The following FHIT variants were observed in gnomAD, a reference collection of about 807,000 sequenced individuals.
The protein encoded by FHIT is fragile histidine triad diadenosine triphosphatase, also known as bis(5'-adenosyl)-triphosphatase.
Under a neutral mutation model 17.9 loss-of-function variants are expected in FHIT, and 19 were observed. The observed-to-expected ratio is 1.06, with a 90% confidence interval of 0.74 to 1.56. The LOEUF (loss-of-function observed/expected upper bound fraction) is 1.56. FHIT is among the 40% of genes most tolerant of loss of function. FHIT has a pLI of 0.00. For synonymous variants in FHIT, 81 were observed against 69.7 expected (o/e 1.16, Z -0.81); for missense variants, 248 against 189.2 (o/e 1.31, Z -1.82).
At chr3:60,400,978 T>C (rs115445306) in intron 5 of FHIT, among the ~76,000 whole-genome samples, 5,360 of 152,128 alleles carry the variant, frequency 0.035, 156 homozygotes, top group African/African-American at 0.08. Context: ...TAGTGCTGCA[T>C]AGAAATTGGT....
intron 2 of FHIT, among the ~76,000 whole-genome samples, chr3:61,152,500 TAGTA>T (rs1413785001): frequency 2.6e-5 from 4 of 152,244 alleles, no homozygotes; most frequent in Non-Finnish European, 4.4e-5. Context: ...CTTTTTTTAA[TAGTA>T]AGTGTTGGTA....
intron 5 of FHIT, among the ~76,000 whole-genome samples, chr3:60,258,469 G>A (rs1559767952): frequency 6.6e-6 from 1 of 152,088 alleles, no homozygotes; most frequent in Non-Finnish European, 1.5e-5. Flanking sequence ...TAACTGTCCA[G>A]TGCATTATAT....
At chr3:61,006,847 G>A (rs2031484611) in intron 3 of FHIT, among the ~76,000 whole-genome samples, 1 of 152,002 alleles carries the variant, frequency 6.6e-6, no homozygotes, top group African/African-American at 2.4e-5. Flanking sequence ...AACTTACATA[G>A]TAGAAAGTTT....
At chr3:60,100,009 T>C (rs2107136117) in intron 5 of FHIT, among the ~76,000 whole-genome samples, 1 of 152,278 alleles carries the variant, frequency 6.6e-6, no homozygotes, top group East Asian at 1.9e-4. Flanking sequence ...GGAACAACAG[T>C]CACAGTTTTT....
chr3:60,916,849 AAT>A (rs1707030951), intron 3 of FHIT, among the ~76,000 whole-genome samples: 2 of 152,180 alleles, frequency 1.3e-5, no homozygotes, highest in East Asian at 3.9e-4. Context: ...TGAAGTTTGT[AAT>A]ATAAAGTGGA....
chr3:60,735,355 G>C (rs1433258550), intron 4 of FHIT, among the ~76,000 whole-genome samples: 6 of 152,152 alleles, frequency 3.9e-5, no homozygotes, highest in African/African-American at 1.4e-4. Flanking sequence ...ACTCCAGATG[G>C]TGTAGATGGA....
chr3:60,544,552 C>T (rs1178767725), intron 4 of FHIT, among the ~76,000 whole-genome samples: 2 of 149,482 alleles, frequency 1.3e-5, no homozygotes, highest in African/African-American at 4.9e-5. Flanking sequence ...AATTCTTAGC[C>T]TTTTGAATGT....
At chr3:61,243,592 G>A (rs754713427) in intron 1 of FHIT, among the ~76,000 whole-genome samples, 1 of 152,140 alleles carries the variant, frequency 6.6e-6, no homozygotes, top group Non-Finnish European at 1.5e-5. Flanking sequence ...AATATTACCA[G>A]TAAAAATGAG....
At chr3:59,775,851 G>A (rs1702283599) in intron 8 of FHIT, among the ~76,000 whole-genome samples, 1 of 152,198 alleles carries the variant, frequency 6.6e-6, no homozygotes, top group Non-Finnish European at 1.5e-5. Context: ...AGGAGATTAG[G>A]ATAAATCTAA....
At chr3:59,758,019 T>C (rs1701308399) in intron 8 of FHIT, among the ~76,000 whole-genome samples, 1 of 152,170 alleles carries the variant, frequency 6.6e-6, no homozygotes, top group Admixed American at 6.5e-5. Flanking sequence ...GATTCATGCA[T>C]AGATAATTTA....
chr3:60,258,961 G>GGGGAAC (rs1706156716), intron 5 of FHIT, among the ~76,000 whole-genome samples: 1 of 151,720 alleles, frequency 6.6e-6, no homozygotes, highest in Non-Finnish European at 1.5e-5. Flanking sequence ...GGAAGGGGAA[G>GGGGAAC]GGGAAGGTAA....
intron 5 of FHIT, among the ~76,000 whole-genome samples, chr3:60,241,854 C>A (rs1705145906): frequency 6.6e-6 from 1 of 152,032 alleles, no homozygotes; most frequent in African/African-American, 2.4e-5. Context: ...TCTAATTACT[C>A]TTTATTATTC....
intron 5 of FHIT, among the ~76,000 whole-genome samples, chr3:60,164,748 T>C (rs1219212660): frequency 6.6e-6 from 1 of 152,112 alleles, no homozygotes; most frequent in Non-Finnish European, 1.5e-5. Context: ...CAGTGTTTTC[T>C]CCACCCTCAC....
At chr3:59,951,291 G>GT (rs139769651) in intron 7 of FHIT, among the ~76,000 whole-genome samples, 16,825 of 152,098 alleles carry the variant, frequency 0.11, 1,026 homozygotes, top group Middle Eastern at 0.18. Flanking sequence ...GGAAGTTGCT[G>GT]TTTTTTGCTT....
At chr3:60,661,685 T>A (rs1432579994) in intron 4 of FHIT, among the ~76,000 whole-genome samples, 1 of 152,174 alleles carries the variant, frequency 6.6e-6, no homozygotes, top group Non-Finnish European at 1.5e-5. Context: ...GTAAAAGTGT[T>A]CCTTTTCACC....
intron 5 of FHIT, among the ~76,000 whole-genome samples, chr3:60,397,159 A>T (rs1055918523): frequency 6.6e-6 from 1 of 152,236 alleles, no homozygotes; most frequent in African/African-American, 2.4e-5. Context: ...TTCAAAGAAT[A>T]AACTGCAACT....
chr3:60,927,026 C>A (rs1312748512), intron 3 of FHIT, among the ~76,000 whole-genome samples: 1 of 152,180 alleles, frequency 6.6e-6, no homozygotes, highest in African/African-American at 2.4e-5. Flanking sequence ...CTCCGTCTCC[C>A]ACTTTCCACG....
chr3:60,771,122 A>G (rs1286355632), intron 4 of FHIT, among the ~76,000 whole-genome samples: 1 of 152,182 alleles, frequency 6.6e-6, no homozygotes, highest in Non-Finnish European at 1.5e-5. Flanking sequence ...TTCCAACTCA[A>G]TCTTCTTTCT....
chr3:60,746,633 A>G (rs2042362710), intron 4 of FHIT, among the ~76,000 whole-genome samples: 1 of 152,180 alleles, frequency 6.6e-6, no homozygotes. Context: ...TATGGAGGGA[A>G]TGTGAGGAAA....
Sources: allele counts gnomAD v4.1 joint callset (sites outside exome capture counted in the v4.1 genomes callset), GRCh38; gene constraint gnomAD v4.1.1; transcripts MANE v1.5; gene names NCBI Gene and HGNC (gene_info 2026-07-23, HGNC 2026-07-21).